The following LRGUK variants were observed in gnomAD, a reference collection of about 807,000 sequenced individuals.
LRGUK encodes leucine-rich repeat and guanylate kinase domain-containing protein.
Under a neutral mutation model 76.0 loss-of-function variants are expected in LRGUK, and 65 were observed. The observed-to-expected ratio is 0.85, with a 90% CI of 0.70 to 1.05. The LOEUF (loss-of-function observed/expected upper bound fraction) is 1.05, where lower values mean the gene tolerates loss of function less well. Ranked by LOEUF, LRGUK falls within the 50% of genes least tolerant of loss-of-function variation. LRGUK has a pLI of 0.00. For synonymous variants in LRGUK, 268 were observed against 265.6 expected (o/e 1.01, Z -0.09); for missense variants, 758 against 732.8 (o/e 1.03, Z -0.40).
downstream of LRGUK, among the ~76,000 whole-genome samples, chr7:134,264,750 G>A (rs1802825975): frequency 6.6e-6 from 1 of 152,194 alleles, no homozygotes; most frequent in African/African-American, 2.4e-5. Flanking sequence ...GTATGTCCCA[G>A]TAGGCTATCC....
chr7:134,153,631 G>A (rs1483379308), intron 5 of LRGUK, among the ~76,000 whole-genome samples: 1 of 152,164 alleles, frequency 6.6e-6, no homozygotes, highest in Non-Finnish European at 1.5e-5. Context: ...ACTTGCCCCA[G>A]ATTATTTGGT....
At chr7:134,132,608 T>C in intron 1 of LRGUK, among the ~76,000 whole-genome samples, 1 of 152,096 alleles carries the variant, frequency 6.6e-6, no homozygotes, top group East Asian at 1.9e-4. Context: ...AAACTCTAGT[T>C]TATAGCTAAA....
intron 6 of LRGUK, among the ~76,000 whole-genome samples, chr7:134,162,756 G>C (rs1798798660): frequency 6.6e-6 from 1 of 151,360 alleles, no homozygotes; most frequent in Non-Finnish European, 1.5e-5. Flanking sequence ...GAACCCCAGA[G>C]GTGGAGGTTG....
chr7:134,219,714 C>G (rs1441541182), intron 15 of LRGUK, among the ~76,000 whole-genome samples: 3 of 152,162 alleles, frequency 2.0e-5, no homozygotes, highest in Middle Eastern at 3.4e-3. Context: ...CTCTCTGTCT[C>G]TCTCTCTCTG....
chr7:134,246,140 T>A (rs909285632), intron 16 of LRGUK, among the ~76,000 whole-genome samples: 1 of 152,206 alleles, frequency 6.6e-6, no homozygotes, highest in Non-Finnish European at 1.5e-5. Flanking sequence ...TGACCTAGAC[T>A]TTTTCAAGCT....
chr7:134,178,904 G>T (rs939683196), intron 10 of LRGUK, among the ~76,000 whole-genome samples: 1 of 23,074 alleles, frequency 4.3e-5, no homozygotes, highest in Non-Finnish European at 8.3e-5. Context: ...TGGCCAGCGT[G>T]TGCCACACAA....
At chr7:134,210,108 G>A in exon 16 of LRGUK, 1 of 399,328 alleles carries the variant, frequency 2.5e-6, no homozygotes, top group East Asian at 3.6e-5. Flanking sequence ...AACCAGAAAG[G>A]GACGGCTAGA....
At chr7:134,218,035 C>T (rs1296272458) in intron 15 of LRGUK, among the ~76,000 whole-genome samples, 1 of 152,150 alleles carries the variant, frequency 6.6e-6, no homozygotes, top group Non-Finnish European at 1.5e-5. Context: ...AATCTCAGCT[C>T]ACTGCAGCCT....
At chr7:134,240,832 C>A (rs7787479) in intron 16 of LRGUK, among the ~76,000 whole-genome samples, 3 of 152,064 alleles carry the variant, frequency 2.0e-5, no homozygotes, top group African/African-American at 4.8e-5. Context: ...AAAGGGAAGC[C>A]CATCAGAATA....
downstream of LRGUK, among the ~76,000 whole-genome samples, chr7:134,265,657 T>C (rs551996582): frequency 5.9e-5 from 9 of 152,272 alleles, no homozygotes; most frequent in South Asian, 1.7e-3. Flanking sequence ...CTCAACCTCT[T>C]CTGGCTGTAA....
At chr7:134,231,978 C>T (rs1370987197) in intron 16 of LRGUK, among the ~76,000 whole-genome samples, 1 of 152,010 alleles carries the variant, frequency 6.6e-6, no homozygotes, top group Non-Finnish European at 1.5e-5. Flanking sequence ...TATTTATCTA[C>T]CCATCCTATA....
chr7:134,214,622 G>A (rs1381714948), downstream of LRGUK, among the ~76,000 whole-genome samples: 1 of 152,146 alleles, frequency 6.6e-6, no homozygotes, highest in Non-Finnish European at 1.5e-5. Context: ...TAGAAAGCAG[G>A]TTAAGGAGGT....
chr7:134,247,562 G>T (rs781383893), exon 17 of LRGUK: 7 of 1,611,494 alleles, frequency 4.3e-6, no homozygotes, highest in Middle Eastern at 1.6e-4. Context: ...CTAGGAAAGA[G>T]ATTCTATACA....
At chr7:134,263,822 CT>C in intron 19 of LRGUK, 22 bp from the exon 20 acceptor site, 1 of 1,590,824 alleles carries the variant, frequency 6.3e-7, no homozygotes, top group Non-Finnish European at 8.6e-7. Flanking sequence ...GATTAACTAT[CT>C]TTTTTTCTGA....
chr7:134,272,437 C>G, the LRGUK span, among the ~76,000 whole-genome samples: 1 of 151,768 alleles, frequency 6.6e-6, no homozygotes, highest in African/African-American at 2.4e-5. Context: ...TCCTGTATTG[C>G]TGGATGGTTG....
chr7:134,267,423 G>T (rs1001627861), downstream of LRGUK, among the ~76,000 whole-genome samples: 1 of 152,148 alleles, frequency 6.6e-6, no homozygotes, highest in South Asian at 2.1e-4. Context: ...AAAGGGTGAG[G>T]GGTGATATGG....
At chr7:134,155,073 G>A (rs1230292769) in intron 5 of LRGUK, among the ~76,000 whole-genome samples, 2 of 152,110 alleles carry the variant, frequency 1.3e-5, no homozygotes, top group African/African-American at 4.8e-5. Context: ...AGAGCTACCA[G>A]GACACTTTAG....
chr7:134,244,260 C>T (rs1802238414), intron 16 of LRGUK, among the ~76,000 whole-genome samples: 1 of 152,172 alleles, frequency 6.6e-6, no homozygotes, highest in South Asian at 2.1e-4. Flanking sequence ...TCATAGTGAA[C>T]AGGCAACCTA....
chr7:134,205,361 C>T (rs1385915372), intron 15 of LRGUK, among the ~76,000 whole-genome samples: 1 of 152,150 alleles, frequency 6.6e-6, no homozygotes, highest in Non-Finnish European at 1.5e-5. Context: ...TCCAGCTGGC[C>T]TCACCTCTCA....
Sources: gnomAD v4.1 joint callset for allele counts (sites outside exome capture counted in the v4.1 genomes callset) on GRCh38, gnomAD v4.1.1 for gene constraint, MANE v1.5 for transcripts, NCBI Gene and HGNC (gene_info 2026-07-23, HGNC 2026-07-21) for gene names.